The following PTPRC variants were observed in gnomAD, a reference collection of about 807,000 sequenced individuals.
The protein encoded by PTPRC is protein tyrosine phosphatase receptor type C.
In PTPRC, 44 loss-of-function variants were observed where a neutral mutation model predicts 155.9. The ratio of observed to expected loss-of-function variants is 0.28; its 90% CI spans 0.22 to 0.36. The LOEUF is 0.36. PTPRC is among the 10% of genes least tolerant of loss of function. The probability of loss-of-function intolerance (pLI) is 1.00; values close to 1 mark genes in which losing one functional copy is unlikely to be tolerated. For missense variants in PTPRC, 1,401 were observed against 1,564.6 expected, an observed-to-expected ratio of 0.90 and a Z score of 1.76; for synonymous variants, 525 against 533.1, an observed-to-expected ratio of 0.98 and a Z score of 0.21.
At position 198,696,779 on chromosome 1, in the gene PTPRC, A is replaced by G; in HGVS notation, c.168A>G (p.Ala56=). The G allele has an allele frequency of 6.2e-7, 1 of 1,614,086 alleles. No individual in the cohort carries two copies. Among genetic ancestry groups the G allele is most frequent in the Non-Finnish European group, 8.5e-7 (1 of 1,179,970 alleles). The change falls in exon 4 of 33, where the codon GCA becomes GCG. Residue 56 remains alanine, a synonymous_variant. Coordinates refer to ENST00000442510, the MANE Select transcript of PTPRC (RefSeq NM_002838.5). ...ACCCCTTACCTACTCACACCACTGC[A>G]TTCTCACCCGCAAGCACCTTTGAAA... ...SSDPLPTHTT[A]FSPASTFERE... is the part of the protein sequence containing the mutation.
At chr1:198,646,618 T>G (rs1662951028) in intron 2 of PTPRC, among the ~76,000 whole-genome samples, 1 of 151,906 alleles carries the variant, frequency 6.6e-6, no homozygotes, top group Non-Finnish European at 1.5e-5. Context: ...ATGTGGAGAT[T>G]GACAGCTCTT....
rs1255559834 is a variant in PTPRC, at chr1:198,756,735, GTA to G, written c.*556_*557del. 1 of 152,254 alleles carries G rather than the reference GTA, an allele frequency of 6.6e-6. No homozygotes were observed. Among genetic ancestry groups the G allele is most frequent in the Non-Finnish European group, 1.5e-5 (1 of 68,244 alleles). 9.4% of individuals were successfully genotyped at this position (152,254 alleles called of 1,614,324 possible). ...CTTCTAGAGATAGTACATAAAGGTG[GTA>G]TGTGTGTGTATGCTACTACAAAAAA... On this transcript the variant is annotated 3_prime_UTR_variant, in exon 33 of 33. Coordinates refer to ENST00000442510, the MANE Select transcript of PTPRC (RefSeq NM_002838.5).
chr1:198,704,625 G>A (rs1666633241), intron 8 of PTPRC, 127 bp downstream of exon 8: 2 of 1,552,656 alleles, frequency 1.3e-6, no homozygotes, highest in African/African-American at 1.4e-5. Flanking sequence ...TCTCACCGAT[G>A]ACTAGTCTCA....
chr1:198,640,901 G>A (rs1662542581), intron 2 of PTPRC, among the ~76,000 whole-genome samples: 1 of 151,916 alleles, frequency 6.6e-6, no homozygotes, highest in African/African-American at 2.4e-5. Flanking sequence ...TTAAATCAGA[G>A]TGTGAAATAT....
rs200909064 is a variant in PTPRC, at chr1:198,748,265, T to G, written c.2938+66T>G. 6.9e-5 allele frequency: 105 copies of G among 1,528,256 alleles called. No individual in the cohort carries two copies. In the East Asian group the frequency reaches 1.8e-3, roughly 27 times the overall value. 94.7% of individuals were successfully genotyped at this position (1,528,256 alleles called of 1,614,324 possible). ...TAAGCTCTTTTGGATTTGTTTAATG[T>G]GGGACACACAGTCATATAAATTATC... On this transcript the variant is annotated intron_variant, in intron 27 of 32. Transcript: ENST00000442510.
chr1:198,673,066 T>G (rs1664738922), intron 2 of PTPRC, among the ~76,000 whole-genome samples: 1 of 152,188 alleles, frequency 6.6e-6, no homozygotes, highest in Non-Finnish European at 1.5e-5. Context: ...TTCTGAAATG[T>G]ACTAGAATCT....
chr1:198,744,497 A>G (rs1032776786), intron 26 of PTPRC, among the ~76,000 whole-genome samples: 6 of 151,912 alleles, frequency 3.9e-5, no homozygotes, highest in African/African-American at 1.4e-4. Context: ...GTATATAGCC[A>G]CAAAACTGGT....
At chr1:198,730,068 C>T (rs1332578519) in intron 17 of PTPRC, among the ~76,000 whole-genome samples, 1 of 151,900 alleles carries the variant, frequency 6.6e-6, no homozygotes, top group East Asian at 1.9e-4. Context: ...TTTTTTTCAA[C>T]ATTTATATTC....
chr1:198,716,274 C>T (rs1485936951), intron 12 of PTPRC, among the ~76,000 whole-genome samples: 1 of 151,956 alleles, frequency 6.6e-6, no homozygotes, highest in Admixed American at 6.6e-5. Flanking sequence ...TAGCTAATAC[C>T]GATGTTCAAA....
At chr1:198,752,801 C>CA in intron 31 of PTPRC, 29 bp downstream of exon 31, 1 of 1,602,630 alleles carries the variant, frequency 6.2e-7, no homozygotes, top group African/African-American at 1.3e-5. Context: ...AATGTGCTCT[C>CA]AAAATCATAA....
intron 2 of PTPRC, among the ~76,000 whole-genome samples, chr1:198,674,035 C>G (rs1363884192): frequency 2.6e-5 from 4 of 152,208 alleles, no homozygotes; most frequent in Admixed American, 2.6e-4. Flanking sequence ...CATAAAGCAG[C>G]AGTCAAAAAG....
intron 2 of PTPRC, among the ~76,000 whole-genome samples, chr1:198,681,311 G>C (rs1002888083): frequency 6.6e-6 from 1 of 152,202 alleles, no homozygotes; most frequent in Admixed American, 6.5e-5. Context: ...AACTAGAGCT[G>C]CAGGGTATCA....
chr1:198,755,910 A>T lies in PTPRC; in HGVS notation c.3650A>T (p.Gln1217Leu). 6.2e-7 allele frequency: 1 copy of T among 1,609,450 alleles called. No individual in the cohort carries two copies. The highest frequency in any genetic ancestry group is 1.7e-5 in the Admixed American group (1 of 59,892). Reference protein sequence around the residue: ...ARPGMVSTFEQYQFLYDVIAS... With the variant: ...ARPGMVSTFELYQFLYDVIAS... ...CCCACTTAATTCCTTTACTAGGAGCAATATCAATTCCTATATGACGTCATT... is the reference window on the plus strand; with the variant it reads ...CCCACTTAATTCCTTTACTAGGAGCTATATCAATTCCTATATGACGTCATT... The change falls in exon 33 of 33, where the codon CAA becomes CTA. Residue 1217 changes from glutamine (Q) to leucine (L), a missense_variant. By Grantham distance (113) the Gln-to-Leu change is moderately radical (BLOSUM62 -2). Around this residue, in one of 3 missense-constraint regions of PTPRC, gnomAD observed 400 missense variants for 389.5 expected, o/e 1.03. Transcript: ENST00000442510.
At chr1:198,657,664 A>G (rs1394688603) in intron 2 of PTPRC, 1 of 152,088 alleles carries the variant, frequency 6.6e-6, no homozygotes, top group East Asian at 1.9e-4. Context: ...TTTTTCTTCA[A>G]TCTCCACCCA....
intron 17 of PTPRC, 55 bp downstream of exon 17, chr1:198,729,226 T>C (rs1430154612): frequency 6.6e-6 from 10 of 1,513,216 alleles, no homozygotes; most frequent in African/African-American, 1.4e-5. Flanking sequence ...TTGAATCCAT[T>C]CATTTTATTT....
At chr1:198,729,241 A>C in intron 17 of PTPRC, 70 bp downstream of exon 17, 1 of 1,408,440 alleles carries the variant, frequency 7.1e-7, no homozygotes. Context: ...TTATTTATTT[A>C]TTTATTTATA....
At chr1:198,656,182 G>A (rs994196619) in intron 2 of PTPRC, among the ~76,000 whole-genome samples, 1 of 151,996 alleles carries the variant, frequency 6.6e-6, no homozygotes, top group South Asian at 2.1e-4. Context: ...TGTCCTGTAA[G>A]AGTTATCCAT....
chr1:198,714,192 A>T (rs1008221756), intron 12 of PTPRC, among the ~76,000 whole-genome samples: 2 of 148,980 alleles, frequency 1.3e-5, no homozygotes, highest in African/African-American at 2.5e-5. Context: ...CACATTGTTC[A>T]TTTTTTTTTT....
At chr1:198,754,147 G>A in intron 31 of PTPRC, 122 bp from the exon 32 acceptor site, 1 of 1,227,770 alleles carries the variant, frequency 8.1e-7, no homozygotes. Context: ...AAAGAGGTTG[G>A]AATAAGATAA....
Sources: allele counts gnomAD v4.1 joint callset (sites outside exome capture counted in the v4.1 genomes callset), GRCh38; gene constraint gnomAD v4.1.1; regional missense constraint gnomAD v4.1.1; transcripts MANE v1.5; gene names NCBI Gene and HGNC (gene_info 2026-07-23, HGNC 2026-07-21).